The following NOTCH1 variants were observed in gnomAD, a reference collection of about 807,000 sequenced individuals.
The protein encoded by NOTCH1 is neurogenic locus notch homolog protein 1.
A neutral mutation model predicts 254.8 loss-of-function variants in NOTCH1; 37 were observed. That is an observed-to-expected ratio of 0.15 (90% CI 0.11 to 0.19). The LOEUF (loss-of-function observed/expected upper bound fraction) is 0.19. NOTCH1 is among the 10% of genes least tolerant of loss of function. The pLI, the probability that NOTCH1 is intolerant of heterozygous loss-of-function variation, is 1.00. For missense variants in NOTCH1, 2,972 were observed against 3,708.6 expected, an observed-to-expected ratio of 0.80 and a Z score of 5.16; for synonymous variants, 1,731 against 1,618.1, an observed-to-expected ratio of 1.07 and a Z score of -1.68.
In NOTCH1 at chr9:136,545,951, C is replaced by A. The variant is rs988451495; in HGVS notation, c.-165G>T. 2.5e-3 allele frequency among the ~76,000 whole-genome samples: 367 copies of A among 147,944 alleles called. No individual in the cohort carries two copies. The highest frequency in any genetic ancestry group is 8.6e-3 in the African/African-American group (353 of 40,882). On this transcript the variant is annotated 5_prime_UTR_variant, in exon 1 of 34. Coordinates refer to ENST00000651671, the MANE Select transcript of NOTCH1 (RefSeq NM_017617.5). The surrounding 1 kb of genome is among the most constrained non-coding windows in gnomAD (Gnocchi z 6.8). ...CTGTGCTCTCGCAGGCCCCCGGGCC[C>A]GGCTCCGCGCCCGGCTCGTTCCTTC...
intron 6 of NOTCH1, 136 bp from the exon 7 acceptor site, chr9:136,518,428 G>A (rs1434570519): frequency 1.0e-5 from 13 of 1,250,016 alleles, no homozygotes; most frequent in Admixed American, 2.0e-5. Context: ...CGTGACACTT[G>A]GGACGTTCCG....
At chr9:136,526,463 C>G (rs1008194028) in intron 2 of NOTCH1, among the ~76,000 whole-genome samples, 1 of 152,210 alleles carries the variant, frequency 6.6e-6, no homozygotes. Flanking sequence ...CCCTGCCTCC[C>G]GGCCCCTCGA....
intron 30 of NOTCH1, among the ~76,000 whole-genome samples, 176 bp downstream of exon 30, chr9:136,501,572 A>T (rs549523583): frequency 6.6e-6 from 1 of 152,304 alleles, no homozygotes; most frequent in African/African-American, 2.4e-5. Flanking sequence ...GTGGAAGAAC[A>T]GGAGGACTCC....
chr9:136,533,933 G>A (rs886852916), intron 2 of NOTCH1, among the ~76,000 whole-genome samples: 4 of 152,236 alleles, frequency 2.6e-5, no homozygotes, highest in African/African-American at 4.8e-5. Context: ...AGGTCTCCCC[G>A]CCGTGGCTCC....
Position 136,517,397 on chromosome 9 carries a change from G to C in NOTCH1, c.1442-12C>G, listed in dbSNP as rs1241878638. 6.4e-7 allele frequency: 1 copy of C among 1,567,210 alleles called. No homozygotes were observed. Among genetic ancestry groups the C allele is most frequent in the Admixed American group, 1.8e-5 (1 of 56,166 alleles). On this transcript the variant is annotated splice_polypyrimidine_tract_variant and intron_variant, in intron 8 of 33. Coordinates refer to ENST00000651671, the MANE Select transcript of NOTCH1 (RefSeq NM_017617.5). ...CACACCCTCGTAGCCTGTGGGGTGGGGCAACAGTGAGGGGGGCACGCGCGG... is the reference window on the plus strand; with the variant it reads ...CACACCCTCGTAGCCTGTGGGGTGGCGCAACAGTGAGGGGGGCACGCGCGG...
chr9:136,540,550 C>T lies in NOTCH1; in HGVS notation c.140+3474G>A, dbSNP rs1843718315. 6.6e-6 allele frequency among the ~76,000 whole-genome samples: 1 copy of T among 152,230 alleles called. No homozygotes were observed. Among genetic ancestry groups the T allele is most frequent in the Non-Finnish European group, 1.5e-5 (1 of 68,040 alleles). On this transcript the variant is annotated intron_variant, in intron 2 of 33. Coordinates refer to ENST00000651671, the MANE Select transcript of NOTCH1 (RefSeq NM_017617.5). The surrounding 1 kb of genome is among the most constrained non-coding windows in gnomAD (Gnocchi z 4.4). ...GGAGAAGGCGGGGAAGAAAGGAGCG[C>T]TGACCAGGTGCCCTCTCCACACGGT...
At position 136,515,701 on chromosome 9, in the gene NOTCH1, T is replaced by C. The variant is rs1186485784; in HGVS notation, c.1685A>G (p.His562Arg). The C allele has an allele frequency of 4.5e-6, 7 of 1,542,016 alleles. No individual in the cohort carries two copies. The highest frequency in any genetic ancestry group is 2.4e-5 in the East Asian group (1 of 41,234). ...CVCTEGYTGT[H>R]CEVDIDECDP... ...GCACTCATCGATGTCCACCTCGCAG[T>C]GCGTCCCCGTGTACCCTGGACCGTG... is the stretch of plus-strand genomic sequence containing the variant. Residue 562 changes from histidine to arginine, a missense_variant, in exon 11 of 34, where the codon CAC becomes CGC. Around this residue, in one of 8 missense-constraint regions of NOTCH1, gnomAD observed 128 missense variants for 193.8 expected, o/e 0.66. Transcript: ENST00000651671.
chr9:136,538,329 G>A (rs1207894216), intron 2 of NOTCH1, among the ~76,000 whole-genome samples: 2 of 151,830 alleles, frequency 1.3e-5, no homozygotes, highest in South Asian at 2.1e-4. Flanking sequence ...CGCAGGCCTC[G>A]CCGCAGGGCC....
In NOTCH1 at chr9:136,508,033, G is replaced by A. The variant is rs1212292354; in HGVS notation, c.3432C>T (p.Asp1144=). 1 of 1,612,374 alleles carries A rather than the reference G, an allele frequency of 6.2e-7. No homozygotes were observed. Among genetic ancestry groups the A allele is most frequent in the African/African-American group, 1.3e-5 (1 of 75,062 alleles). ...GGCTGGGTGAGCACTCGTCCACCAG[G>A]TCCTCACAGTAGCTGCCTGTGTAGC... The part of the protein sequence containing the change: ...QAGYTGSYCE[D]LVDECSPSPC... Residue 1144 remains aspartate (D), a synonymous_variant, in exon 21 of 34, where the codon GAC becomes GAT. Transcript: ENST00000651671.
chr9:136,509,622 A>T, intron 18 of NOTCH1, 111 bp downstream of exon 18: 1 of 934,720 alleles, frequency 1.1e-6, no homozygotes, highest in Non-Finnish European at 1.7e-6. Context: ...AGCCAGCGCT[A>T]AGTGCCCAGC....
At chr9:136,510,826 G>C (rs376232432) in intron 16 of NOTCH1, 21 bp from the exon 17 acceptor site, 1 of 1,605,768 alleles carries the variant, frequency 6.2e-7, no homozygotes, top group Non-Finnish European at 8.5e-7. Flanking sequence ...GGAGGAGGCC[G>C]GTTGGTCACC....
In NOTCH1 at chr9:136,504,681, G is replaced by T. The variant is rs780348772; in HGVS notation, c.5010C>A (p.Asp1670Glu). The T allele has an allele frequency of 6.6e-7, 1 of 1,517,356 alleles. No homozygotes were observed. Among genetic ancestry groups the T allele is most frequent in the Non-Finnish European group, 8.9e-7 (1 of 1,129,574 alleles). The allele number at this position is 1,517,356 out of a possible 1,614,324, so 94.0% of individuals were successfully genotyped here. Residue 1670 changes from aspartate to glutamate, a missense_variant, in exon 26 of 34, where the codon GAC becomes GAA. Transcript: ENST00000651671. Reference sequence around the variant, plus strand: ...CGCCGGGTCTCACTCACCCGCGGACGTCCATGGGGTCCAGCTCCCTCCGCC... The same window carrying T: ...CGCCGGGTCTCACTCACCCGCGGACTTCCATGGGGTCCAGCTCCCTCCGCC... ...GRRRRELDPMDVRGSIVYLEI... is the reference protein window; with the variant it reads ...GRRRRELDPMEVRGSIVYLEI...
intron 28 of NOTCH1, 62 bp from the exon 29 acceptor site, chr9:136,502,150 C>A (rs1050795716): frequency 8.4e-5 from 135 of 1,604,590 alleles, no homozygotes; most frequent in Non-Finnish European, 1.1e-4. Flanking sequence ...CCCAGAGACC[C>A]CTGGCCCGGG....
chr9:136,508,797 C>CCCCA, intron 19 of NOTCH1, 73 bp downstream of exon 19: 1 of 1,424,192 alleles, frequency 7.0e-7, no homozygotes, highest in Non-Finnish European at 9.5e-7. Context: ...CTGGGGTGAC[C>CCCCA]GTTCCCACCT....
intron 33 of NOTCH1, 117 bp from the exon 34 acceptor site, chr9:136,497,675 C>G: frequency 2.5e-6 from 2 of 814,956 alleles, no homozygotes; most frequent in Non-Finnish European, 1.9e-6. Flanking sequence ...TGGGGGCAGG[C>G]AGGCTGCTCC....
chr9:136,509,075 C>T lies in NOTCH1; in HGVS notation c.2970-4G>A. On this transcript the variant is annotated splice_polypyrimidine_tract_variant and splice_region_variant and intron_variant, in intron 18 of 33. Coordinates refer to ENST00000651671, the MANE Select transcript of NOTCH1 (RefSeq NM_017617.5). Reference sequence around the variant, plus strand: ...GGTGCCACCGTTGAAGCAGGAGCTGCAAGGGGGTGGGCAGGCGGGGGCTGA... The same window carrying T: ...GGTGCCACCGTTGAAGCAGGAGCTGTAAGGGGGTGGGCAGGCGGGGGCTGA... 6.4e-7 allele frequency: 1 copy of T among 1,554,898 alleles called. No homozygotes were observed. Among genetic ancestry groups the T allele is most frequent in the South Asian group, 1.2e-5 (1 of 84,420 alleles).
chr9:136,528,799 C>T (rs945191893), intron 2 of NOTCH1, among the ~76,000 whole-genome samples: 4 of 152,086 alleles, frequency 2.6e-5, no homozygotes, highest in Non-Finnish European at 4.4e-5. Context: ...CCCAAGGGTC[C>T]CCTGGCAGCA....
intron 2 of NOTCH1, among the ~76,000 whole-genome samples, chr9:136,541,075 C>A (rs1843726095): frequency 6.6e-6 from 1 of 152,170 alleles, no homozygotes; most frequent in Non-Finnish European, 1.5e-5. Flanking sequence ...ACAGTGACCC[C>A]CTGGGCCTGC....
intron 1 of NOTCH1, among the ~76,000 whole-genome samples, 181 bp from the exon 2 acceptor site, chr9:136,544,283 G>A (rs932153810): frequency 1.3e-5 from 2 of 152,192 alleles, no homozygotes; most frequent in African/African-American, 4.8e-5. Flanking sequence ...GCCCCTCCAT[G>A]AAACCAAAGG....
Sources: allele counts gnomAD v4.1 joint callset (sites outside exome capture counted in the v4.1 genomes callset), GRCh38; gene constraint gnomAD v4.1.1; regional missense constraint gnomAD v4.1.1; non-coding constraint Gnocchi (gnomAD v3.1); transcripts MANE v1.5; gene names NCBI Gene and HGNC (gene_info 2026-07-23, HGNC 2026-07-21).